LPP: variants seen among roughly 807,000 people sequenced by gnomAD.
The protein encoded by LPP is lipoma-preferred partner.
In LPP, 38 loss-of-function variants were observed where a neutral mutation model predicts 60.4. The observed-to-expected ratio is 0.63, with a 90% CI of 0.49 to 0.83. LPP has a LOEUF of 0.83. Among genes scored for constraint, LPP ranks in the 40% least tolerant of loss-of-function variants. The probability of loss-of-function intolerance (pLI) is 0.00; values close to 1 mark genes in which losing one functional copy is unlikely to be tolerated. For synonymous variants in LPP, 328 were observed against 290.8 expected (o/e 1.13, Z -1.30); for missense variants, 902 against 783.6 (o/e 1.15, Z -1.80).
rs1841458686 is a variant in LPP at position 188,602,177 on chromosome 3, T to TATATATATAATATATATATATA, written c.430-6975_430-6974insATATATATATATAATATATATA. Among the ~76,000 whole-genome samples, 117 of 115,280 alleles carry TATATATATAATATATATATATA rather than the reference T, an allele frequency of 1.0e-3. 6 individuals are homozygous for TATATATATAATATATATATATA. The highest frequency in any genetic ancestry group is 3.3e-3 in the African/African-American group (105 of 31,690). 75.6% of individuals were successfully genotyped at this position (115,280 alleles called of 152,430 possible). A position where few individuals can be genotyped will look rare whatever the true frequency, so the allele number is the denominator to read the frequency against. On this transcript the variant is annotated intron_variant, in intron 6 of 11. Transcript: ENST00000617246. ...TAATATATATATAATATATATATAT[T>TATATATATAATATATATATATA]ATATATATATATGACATTCTTAATC...
At chr3:188,269,925 G>A (rs1737116800) in intron 2 of LPP, among the ~76,000 whole-genome samples, 1 of 152,146 alleles carries the variant, frequency 6.6e-6, no homozygotes, top group Non-Finnish European at 1.5e-5. Flanking sequence ...TGGGATTACA[G>A]GTGGGAGCCA....
At chr3:188,482,788 AAATTTTCTT>A (rs1334819037) in intron 4 of LPP, among the ~76,000 whole-genome samples, 4 of 152,224 alleles carry the variant, frequency 2.6e-5, no homozygotes, top group Non-Finnish European at 5.9e-5. Flanking sequence ...AGAGGAGTAG[AAATTTTCTT>A]TATGTTGTAA....
At chr3:188,654,071 G>C (rs866818706) in intron 7 of LPP, among the ~76,000 whole-genome samples, 6 of 152,120 alleles carry the variant, frequency 3.9e-5, no homozygotes, top group Non-Finnish European at 7.3e-5. Context: ...TTCATACTTA[G>C]GAAATAGAAG....
intron 7 of LPP, among the ~76,000 whole-genome samples, chr3:188,663,994 C>G (rs1470060303): frequency 2.0e-5 from 3 of 152,210 alleles, no homozygotes; most frequent in African/African-American, 7.2e-5. Context: ...CACTATCAGT[C>G]CATAGCCTGG....
intron 3 of LPP, among the ~76,000 whole-genome samples, chr3:188,393,688 C>A (rs140929588): frequency 6.6e-6 from 1 of 152,098 alleles, no homozygotes; most frequent in Non-Finnish European, 1.5e-5. Context: ...TAAAACGATT[C>A]GAAACCAGAG....
chr3:188,714,827 A>G (rs1042016360), intron 8 of LPP, among the ~76,000 whole-genome samples: 3 of 152,104 alleles, frequency 2.0e-5, no homozygotes, highest in Non-Finnish European at 4.4e-5. Flanking sequence ...TTTCCTTACC[A>G]TGGACCTGTG....
At chr3:188,313,254 G>A (rs1452169732) in intron 2 of LPP, among the ~76,000 whole-genome samples, 1 of 151,988 alleles carries the variant, frequency 6.6e-6, no homozygotes, top group Non-Finnish European at 1.5e-5. Flanking sequence ...TTTATTATCT[G>A]ACAAAGATTC....
chr3:188,743,241 A>G (rs1237101518), intron 8 of LPP, among the ~76,000 whole-genome samples: 1 of 152,120 alleles, frequency 6.6e-6, no homozygotes, highest in Non-Finnish European at 1.5e-5. Flanking sequence ...TAATTGGTTA[A>G]CTCACATAAT....
chr3:188,828,644 A>C (rs1756317892), intron 9 of LPP, among the ~76,000 whole-genome samples: 2 of 145,656 alleles, frequency 1.4e-5, no homozygotes, highest in African/African-American at 2.6e-5. Context: ...AAAAAAACTC[A>C]GCTGCATCCT....
chr3:188,583,285 C>T (rs1391399373), intron 6 of LPP, among the ~76,000 whole-genome samples: 1 of 152,146 alleles, frequency 6.6e-6, no homozygotes, highest in Non-Finnish European at 1.5e-5. Context: ...CTCATTCCCA[C>T]CCCGCTTATG....
In LPP at chr3:188,510,479, T is replaced by C. The variant is rs1245774444; in HGVS notation, c.307-14186T>C. Among the ~76,000 whole-genome samples, 3 of 152,228 alleles carry C rather than the reference T, an allele frequency of 2.0e-5. No homozygotes were observed. The East Asian group carries it at 5.8e-4, about 29-fold the overall frequency. ...CTGCTGGGAGTGTTTTAATATAAAT[T>C]GTCTGTGCTCAGCCTGAAATATGTG... is the stretch of plus-strand genomic sequence containing the variant. On this transcript the variant is annotated intron_variant, in intron 5 of 11. Coordinates refer to ENST00000617246, the MANE Select transcript of LPP (RefSeq NM_001375462.1).
intron 7 of LPP, among the ~76,000 whole-genome samples, chr3:188,683,860 C>G (rs62290011): frequency 0.13 from 20,405 of 152,158 alleles, 1,532 homozygotes; most frequent in Non-Finnish European, 0.17. Context: ...TGGATTCAAA[C>G]ACATTATGCA....
chr3:188,629,531 A>G (rs1485858625), intron 7 of LPP, among the ~76,000 whole-genome samples: 5 of 152,294 alleles, frequency 3.3e-5, no homozygotes, highest in Middle Eastern at 3.4e-3. Context: ...AAAGATCTCT[A>G]TAATGAGAAT....
At chr3:188,312,336 T>C (rs748327100) in intron 2 of LPP, among the ~76,000 whole-genome samples, 5 of 152,226 alleles carry the variant, frequency 3.3e-5, no homozygotes, top group African/African-American at 1.2e-4. Context: ...TCCTTTTCCA[T>C]TGGATTGCTG....
At chr3:188,339,406 T>C (rs1382356229) in intron 2 of LPP, among the ~76,000 whole-genome samples, 1 of 152,188 alleles carries the variant, frequency 6.6e-6, no homozygotes, top group East Asian at 1.9e-4. Context: ...TGGTGAAGGA[T>C]TTGTATTAGT....
At chr3:188,654,375 G>A (rs1049674309) in intron 7 of LPP, among the ~76,000 whole-genome samples, 1 of 152,140 alleles carries the variant, frequency 6.6e-6, no homozygotes, top group African/African-American at 2.4e-5. Context: ...AGTAGACAGG[G>A]AGATAGAACA....
chr3:188,194,615 A>G (rs187412997), intron 1 of LPP, among the ~76,000 whole-genome samples: 125 of 152,340 alleles, frequency 8.2e-4, no homozygotes, highest in Admixed American at 3.9e-3. Flanking sequence ...TCTTGAGGGA[A>G]GAAGGGAAGT....
chr3:188,724,917 T>C (rs1254827447), intron 8 of LPP, among the ~76,000 whole-genome samples: 1 of 152,250 alleles, frequency 6.6e-6, no homozygotes, highest in Non-Finnish European at 1.5e-5. Flanking sequence ...AAAGTCACCC[T>C]GTTGACATGT....
intron 5 of LPP, among the ~76,000 whole-genome samples, chr3:188,514,034 G>C (rs1816602398): frequency 6.6e-6 from 1 of 152,164 alleles, no homozygotes; most frequent in Non-Finnish European, 1.5e-5. Flanking sequence ...CAAAGAAACT[G>C]CTTGATAATA....
Sources: allele counts gnomAD v4.1 joint callset (sites outside exome capture counted in the v4.1 genomes callset), GRCh38; gene constraint gnomAD v4.1.1; transcripts MANE v1.5; gene names NCBI Gene and HGNC (gene_info 2026-07-23, HGNC 2026-07-21).